The following PLEKHH2 variants were observed in gnomAD, a reference collection of about 807,000 sequenced individuals.
PLEKHH2 encodes the protein pleckstrin homology, MyTH4 and FERM domain containing H2, also known as pleckstrin homology domain-containing family H member 2.
A neutral mutation model predicts 187.9 loss-of-function variants in PLEKHH2; 129 were observed. The ratio of observed to expected loss-of-function variants is 0.69; its 90% CI spans 0.59 to 0.79. The LOEUF (loss-of-function observed/expected upper bound fraction) is 0.79. PLEKHH2 is among the 30% of genes least tolerant of loss of function. PLEKHH2 has a pLI of 0.00. For synonymous variants in PLEKHH2, 686 were observed against 605.6 expected (o/e 1.13, Z -1.95); for missense variants, 2,076 against 1,751.2 (o/e 1.19, Z -3.31).
At chr2:43,699,206 AG>A (rs1175219287) in intron 7 of PLEKHH2, among the ~76,000 whole-genome samples, 4 of 93,786 alleles carry the variant, frequency 4.3e-5, no homozygotes, top group African/African-American at 1.9e-4. Context: ...TTAGACTCTC[AG>A]TTTTTTTTTT....
At chr2:43,683,729 G>A (rs1668355909) in intron 3 of PLEKHH2, among the ~76,000 whole-genome samples, 1 of 151,292 alleles carries the variant, frequency 6.6e-6, no homozygotes, top group South Asian at 2.1e-4. Context: ...CTACTTCTTG[G>A]GTGATATTGT....
Position 43,741,061 on chromosome 2 carries a change from C to T in PLEKHH2, c.3221+18C>T, listed in dbSNP as rs1332337017. 5.0e-6 allele frequency: 8 copies of T among 1,586,084 alleles called. No individual in the cohort carries two copies. Among genetic ancestry groups the T allele is most frequent in the Non-Finnish European group, 6.1e-6 (7 of 1,155,794 alleles). ...GATTCCAGGTGTGCAGAATACTAGC[C>T]AGCTGAACTGTTTATGTGGCCTCTG... On this transcript the variant is annotated intron_variant, in intron 21 of 29. Coordinates refer to ENST00000282406, the MANE Select transcript of PLEKHH2 (RefSeq NM_172069.4).
intron 2 of PLEKHH2, among the ~76,000 whole-genome samples, chr2:43,655,217 G>A (rs560947709): frequency 5.9e-5 from 9 of 151,764 alleles, no homozygotes; most frequent in South Asian, 2.1e-4. Flanking sequence ...ATAAAGGCCC[G>A]CACAAATACT....
At chr2:43,725,360 G>A (rs1670689749) in intron 16 of PLEKHH2, among the ~76,000 whole-genome samples, 1 of 152,136 alleles carries the variant, frequency 6.6e-6, no homozygotes, top group African/African-American at 2.4e-5. Flanking sequence ...TGCTTATTAA[G>A]GCCCACTGTT....
At position 43,743,754 on chromosome 2, in the gene PLEKHH2, A is replaced by G. The variant is rs535793092; in HGVS notation, c.3400-80A>G. ...TGTTATCATTAATCATGCATCAAGTATGCTCTGTTTCATCCTTAAAATCTC... is the reference window on the plus strand; with the variant it reads ...TGTTATCATTAATCATGCATCAAGTGTGCTCTGTTTCATCCTTAAAATCTC... On this transcript the variant is annotated intron_variant, in intron 22 of 29. Transcript: ENST00000282406. 14 of 1,291,592 alleles carry G rather than the reference A, an allele frequency of 1.1e-5. 1 individual carries two copies. The highest frequency in any genetic ancestry group is 8.9e-5 in the African/African-American group (6 of 67,628). 80.0% of individuals were successfully genotyped at this position (1,291,592 alleles called of 1,614,324 possible).
At chr2:43,668,868 A>T (rs1169458240) in intron 2 of PLEKHH2, among the ~76,000 whole-genome samples, 1 of 152,212 alleles carries the variant, frequency 6.6e-6, no homozygotes, top group Non-Finnish European at 1.5e-5. Context: ...TTACCCGAAG[A>T]GTTAATTAGC....
At chr2:43,652,667 A>G (rs1196626444) in intron 2 of PLEKHH2, among the ~76,000 whole-genome samples, 1 of 151,912 alleles carries the variant, frequency 6.6e-6, no homozygotes, top group African/African-American at 2.4e-5. Flanking sequence ...TGGTTAACAA[A>G]CCCCACATAT....
rs1669970484 is a variant in PLEKHH2 at position 43,711,636 on chromosome 2, A to C, written c.2302-589A>C. On this transcript the variant is annotated intron_variant, in intron 14 of 29. Coordinates refer to ENST00000282406, the MANE Select transcript of PLEKHH2 (RefSeq NM_172069.4). Reference sequence around the variant, plus strand: ...GCCGGGCGCGGTGGCTCACGCCTGTAATCTCAGCACTTCAGGAGGCTGAGG... The same window carrying C: ...GCCGGGCGCGGTGGCTCACGCCTGTCATCTCAGCACTTCAGGAGGCTGAGG... 1.4e-5 allele frequency: 13 copies of C among 907,792 alleles called. No individual in the cohort carries two copies. In the African/African-American group the frequency reaches 2.0e-4, roughly 14 times the overall value. 56.2% of individuals were successfully genotyped at this position (907,792 alleles called of 1,614,324 possible). A position where few individuals can be genotyped will look rare whatever the true frequency, so the allele number is the denominator to read the frequency against.
At chr2:43,695,028 A>T (rs1165349844) in intron 5 of PLEKHH2, 115 bp from the exon 6 acceptor site, 5 of 466,008 alleles carry the variant, frequency 1.1e-5, no homozygotes, top group Admixed American at 4.0e-5. Context: ...TTTCCTTTGT[A>T]TTTTGCTTAC....
chr2:43,700,651 T>TC (rs1669318519), intron 8 of PLEKHH2, 43 bp downstream of exon 8: 12 of 1,546,976 alleles, frequency 7.8e-6, no homozygotes, highest in Non-Finnish European at 1.0e-5. Flanking sequence ...GTAGTTTTTT[T>TC]CTCAACACTT....
intron 3 of PLEKHH2, among the ~76,000 whole-genome samples, chr2:43,686,380 A>G (rs1365540990): frequency 6.6e-6 from 1 of 152,170 alleles, no homozygotes; most frequent in Non-Finnish European, 1.5e-5. Flanking sequence ...TATTTATAGT[A>G]GAGACGGTGT....
chr2:43,699,370 T>A (rs1460284991), intron 7 of PLEKHH2, among the ~76,000 whole-genome samples: 4 of 152,108 alleles, frequency 2.6e-5, no homozygotes, highest in Non-Finnish European at 5.9e-5. Context: ...TGTATGAAAT[T>A]TTTGGTTTAT....
chr2:43,706,295 ATGT>A (rs755423257), intron 9 of PLEKHH2, 24 bp from the exon 10 acceptor site: 3 of 1,506,664 alleles, frequency 2.0e-6, no homozygotes, highest in Non-Finnish European at 2.8e-6. Flanking sequence ...GTTTTTTAAA[ATGT>A]TGTTTCCTGT....
intron 1 of PLEKHH2, among the ~76,000 whole-genome samples, chr2:43,644,130 T>C (rs958261993): frequency 6.6e-6 from 1 of 151,988 alleles, no homozygotes; most frequent in African/African-American, 2.4e-5. Context: ...AAATTGAGAG[T>C]GATGATAAGG....
At chr2:43,743,156 G>T (rs558351573) in intron 22 of PLEKHH2, among the ~76,000 whole-genome samples, 1 of 152,296 alleles carries the variant, frequency 6.6e-6, no homozygotes, top group East Asian at 1.9e-4. Flanking sequence ...TTATGATTCT[G>T]ATGGACAGAA....
intron 10 of PLEKHH2, among the ~76,000 whole-genome samples, chr2:43,706,652 C>A (rs1002156584): frequency 2.6e-5 from 4 of 152,114 alleles, no homozygotes; most frequent in African/African-American, 9.7e-5. Flanking sequence ...CATGTGATTC[C>A]CCCACCTCCC....
At chr2:43,639,554 G>C (rs1355873458) in intron 1 of PLEKHH2, among the ~76,000 whole-genome samples, 1 of 151,666 alleles carries the variant, frequency 6.6e-6, no homozygotes, top group Non-Finnish European at 1.5e-5. Flanking sequence ...CTTTCACTTA[G>C]CATAATGTTT....
chr2:43,715,042 C>G (rs577398133), intron 15 of PLEKHH2, among the ~76,000 whole-genome samples: 101 of 152,236 alleles, frequency 6.6e-4, no homozygotes, highest in Middle Eastern at 3.4e-3. Flanking sequence ...CTTAGGGAGG[C>G]TGAGGCAGGC....
Position 43,657,330 on chromosome 2 carries a change from C to T in PLEKHH2, c.123+12534C>T, listed in dbSNP as rs574620249. ...AGTAGTTGGGATTACAGGTGCACGC[C>T]GCCACACCTTGATTTCACTCACATA... On this transcript the variant is annotated intron_variant, in intron 2 of 29. Transcript: ENST00000282406. 7.9e-5 allele frequency among the ~76,000 whole-genome samples: 12 copies of T among 152,202 alleles called. No individual in the cohort carries two copies. The South Asian group carries it at 2.3e-3, about 29-fold the overall frequency.
Sources: gnomAD v4.1 joint callset for allele counts (sites outside exome capture counted in the v4.1 genomes callset) on GRCh38, gnomAD v4.1.1 for gene constraint, MANE v1.5 for transcripts, NCBI Gene and HGNC (gene_info 2026-07-23, HGNC 2026-07-21) for gene names.